The following DNAH9 variants were observed in gnomAD, a reference collection of about 807,000 sequenced individuals.
DNAH9 encodes DNAH9 variant protein.
Under a neutral mutation model 471.6 loss-of-function variants are expected in DNAH9, and 345 were observed. The ratio of observed to expected loss-of-function variants is 0.73; its 90% confidence interval spans 0.67 to 0.80. The LOEUF is 0.80. DNAH9 is among the 30% of genes least tolerant of loss of function. The pLI, the probability that DNAH9 is intolerant of heterozygous loss-of-function variation, is 0.00. For missense variants in DNAH9, 5,407 were observed against 5,609.2 expected (o/e 0.96, Z 1.15); for synonymous variants, 2,093 against 2,123.6 (o/e 0.99, Z 0.40).
At position 11,617,411 on chromosome 17, in the gene DNAH9, C is replaced by G. The variant is rs2072768234; in HGVS notation, c.905C>G (p.Ala302Gly). The change falls in exon 5 of 69, where the codon GCT becomes GGT. Residue 302 changes from alanine (A) to glycine (G), a missense_variant and splice_region_variant. Transcript: ENST00000262442. Reference sequence around the variant, plus strand: ...GCTGACCATCTCCAATTCCTTCCAGCTCTAGCAGAGGCACAGGACATCCAT... The same window carrying G: ...GCTGACCATCTCCAATTCCTTCCAGGTCTAGCAGAGGCACAGGACATCCAT... Reference protein sequence around the residue: ...FKAMYRDVVAALAEAQDIHVH... With the variant: ...FKAMYRDVVAGLAEAQDIHVH... 9 of 1,611,892 alleles carry G rather than the reference C, an allele frequency of 5.6e-6. No individual in the cohort carries two copies. The highest frequency in any genetic ancestry group is 7.6e-6 in the Non-Finnish European group (9 of 1,178,106).
At chr17:11,691,188 CA>C (rs1597484294) in intron 20 of DNAH9, among the ~76,000 whole-genome samples, 1 of 152,084 alleles carries the variant, frequency 6.6e-6, no homozygotes, top group African/African-American at 2.4e-5. Flanking sequence ...CTGCTAATCC[CA>C]AAAAGCATAT....
Position 11,793,581 on chromosome 17 carries a change from G to A in DNAH9, c.8140G>A (p.Val2714Ile). 1 of 1,613,842 alleles carries A rather than the reference G, an allele frequency of 6.2e-7. No individual in the cohort carries two copies. The highest frequency in any genetic ancestry group is 1.3e-5 in the African/African-American group (1 of 74,960). ...IRLYLHESNRVYRDKMVEEKD... is the reference protein window; with the variant it reads ...IRLYLHESNRIYRDKMVEEKD... ...GCTCTATCTGCATGAATCAAATCGA[G>A]TTTATCGGGATAAGATGGTAGAAGA... Residue 2714 changes from valine (V) to isoleucine (I), a missense_variant, in exon 42 of 69, where the codon GTT (valine) becomes ATT (isoleucine). Transcript: ENST00000262442.
rs1423732146 is a variant in DNAH9, at chr17:11,905,790, G to A, written c.11730G>A (p.Leu3910=). 4 of 1,608,632 alleles carry A rather than the reference G, an allele frequency of 2.5e-6. No homozygotes were observed. The highest frequency in any genetic ancestry group is 3.4e-6 in the Non-Finnish European group (4 of 1,177,236). Residue 3910 remains leucine, a synonymous_variant, in exon 61 of 69, where the codon CTG becomes CTA. Transcript: ENST00000262442. The part of the protein sequence containing the change: ...FFILSPGVDP[L]KDVESQGRKL... ...TCCTGTCTCCAGGGGTGGACCCACTGAAGGATGTAGAAAGTCAAGGTGAGA... is the reference window on the plus strand; with the variant it reads ...TCCTGTCTCCAGGGGTGGACCCACTAAAGGATGTAGAAAGTCAAGGTGAGA...
chr17:11,846,449 T>G lies in DNAH9; in HGVS notation c.9508-7554T>G, dbSNP rs891872915. Among the ~76,000 whole-genome samples, 883 of 151,764 alleles carry G rather than the reference T, an allele frequency of 5.8e-3. 8 individuals are homozygous for G. The highest frequency in any genetic ancestry group is 0.02 in the African/African-American group (840 of 41,206). On this transcript the variant is annotated intron_variant, in intron 49 of 68. Transcript: ENST00000262442. ...AGTCAGGTAGCGTGATGCCTCCGGC[T>G]TTGTTCTTTTGGCTTAGGATTGACT...
At chr17:11,894,959 C>T (rs1393339551) in intron 59 of DNAH9, among the ~76,000 whole-genome samples, 1 of 152,172 alleles carries the variant, frequency 6.6e-6, no homozygotes, top group Non-Finnish European at 1.5e-5. Flanking sequence ...TTAATAACAG[C>T]TCTTATCTAT....
intron 62 of DNAH9, among the ~76,000 whole-genome samples, chr17:11,929,313 T>C (rs2151033776): frequency 6.6e-6 from 1 of 152,178 alleles, no homozygotes; most frequent in East Asian, 1.9e-4. Flanking sequence ...GGATTACAGG[T>C]GTTAGCCACC....
At chr17:11,857,141 A>G (rs1971655776) in intron 50 of DNAH9, among the ~76,000 whole-genome samples, 1 of 152,208 alleles carries the variant, frequency 6.6e-6, no homozygotes, top group Non-Finnish European at 1.5e-5. Flanking sequence ...AGTTATTTTA[A>G]CTAAAGGAAC....
At chr17:11,945,496 A>C (rs2322134) in intron 67 of DNAH9, among the ~76,000 whole-genome samples, 72,099 of 150,056 alleles carry the variant, frequency 0.48, 17,517 homozygotes, top group Middle Eastern at 0.58. Flanking sequence ...CGACACTGTG[A>C]CACTGCACTC....
chr17:11,716,301 G>C (rs1232124625), intron 26 of DNAH9, among the ~76,000 whole-genome samples: 1 of 151,846 alleles, frequency 6.6e-6, no homozygotes, highest in Non-Finnish European at 1.5e-5. Flanking sequence ...GGCTGGTCTC[G>C]AACTCCTGAC....
chr17:11,703,854 C>T (rs2074646129), intron 24 of DNAH9, among the ~76,000 whole-genome samples: 1 of 152,166 alleles, frequency 6.6e-6, no homozygotes. Flanking sequence ...AACATATTGT[C>T]ATCCTCCCAA....
At chr17:11,816,085 A>G (rs1455685897) in intron 45 of DNAH9, among the ~76,000 whole-genome samples, 1 of 151,862 alleles carries the variant, frequency 6.6e-6, no homozygotes, top group African/African-American at 2.4e-5. Flanking sequence ...TAGAAAATCT[A>G]GAGACAGATC....
intron 28 of DNAH9, among the ~76,000 whole-genome samples, chr17:11,729,318 G>A (rs995643906): frequency 1.3e-5 from 2 of 152,028 alleles, no homozygotes; most frequent in African/African-American, 2.4e-5. Flanking sequence ...TGCTAGGGGC[G>A]GCTGGTTTCA....
Position 11,937,540 on chromosome 17 carries a change from T to A in DNAH9, c.12660+18T>A. On this transcript the variant is annotated intron_variant, in intron 66 of 68. Transcript: ENST00000262442. This position sits in a 1 kb window ranked among gnomAD's most constrained non-coding sequence, Gnocchi z 4.1. ...AAGAAAAGGTGTGTGTGGTGGGGACTGCCTGAGGTCGTTCTGGGGGACCCC... is the reference window on the plus strand; with the variant it reads ...AAGAAAAGGTGTGTGTGGTGGGGACAGCCTGAGGTCGTTCTGGGGGACCCC... 1 of 1,589,810 alleles carries A rather than the reference T, an allele frequency of 6.3e-7. No individual in the cohort carries two copies. The highest frequency in any genetic ancestry group is 8.6e-7 in the Non-Finnish European group (1 of 1,166,062).
intron 20 of DNAH9, among the ~76,000 whole-genome samples, chr17:11,690,699 GTATA>G (rs1567721567): frequency 6.6e-6 from 1 of 151,504 alleles, no homozygotes. Flanking sequence ...AAAAAAAAAT[GTATA>G]TATAAGAAAG....
intron 36 of DNAH9, among the ~76,000 whole-genome samples, chr17:11,764,488 T>G (rs1967847748): frequency 6.6e-6 from 1 of 152,140 alleles, no homozygotes; most frequent in African/African-American, 2.4e-5. Context: ...ATCATTTTTA[T>G]AACCAAAATT....
At chr17:11,646,062 G>A (rs974048153) in intron 11 of DNAH9, among the ~76,000 whole-genome samples, 5 of 151,490 alleles carry the variant, frequency 3.3e-5, no homozygotes, top group Non-Finnish European at 5.9e-5. Context: ...TGTATTTTTT[G>A]TAGAGACAGG....
chr17:11,852,441 A>C (rs1032242219), intron 49 of DNAH9, among the ~76,000 whole-genome samples: 1 of 151,942 alleles, frequency 6.6e-6, no homozygotes, highest in Non-Finnish European at 1.5e-5. Flanking sequence ...GGTCCTTCAC[A>C]TGGGAAATTT....
intron 57 of DNAH9, among the ~76,000 whole-genome samples, chr17:11,888,149 A>AT (rs1045580016): frequency 4.2e-4 from 63 of 151,172 alleles, no homozygotes; most frequent in Non-Finnish European, 5.9e-4. Flanking sequence ...CACCTGGCTA[A>AT]TTTTTTTTGT....
intron 8 of DNAH9, among the ~76,000 whole-genome samples, chr17:11,636,239 C>T (rs540954991): frequency 3.9e-5 from 6 of 152,150 alleles, no homozygotes; most frequent in Non-Finnish European, 8.8e-5. Flanking sequence ...CTCCTGACCT[C>T]GTGATCCACC....
Sources: gnomAD v4.1 joint callset for allele counts (sites outside exome capture counted in the v4.1 genomes callset) on GRCh38, gnomAD v4.1.1 for gene constraint, Gnocchi (gnomAD v3.1) non-coding constraint, MANE v1.5 for transcripts, NCBI Gene and HGNC (gene_info 2026-07-23, HGNC 2026-07-21) for gene names.